SCN4A: variants seen among roughly 807,000 people sequenced by gnomAD.
SCN4A encodes the protein sodium channel protein type 4 subunit alpha.
A neutral mutation model predicts 162.0 loss-of-function variants in SCN4A; 83 were observed. The ratio of observed to expected loss-of-function variants is 0.51; its 90% CI spans 0.43 to 0.61. The LOEUF (loss-of-function observed/expected upper bound fraction) is 0.61. Among genes scored for constraint, SCN4A ranks in the 20% least tolerant of loss-of-function variants. The pLI is 0.00. For synonymous variants in SCN4A, 944 were observed against 985.1 expected, an observed-to-expected ratio of 0.96 and a Z score of 0.78; for missense variants, 2,196 against 2,462.5, an observed-to-expected ratio of 0.89 and a Z score of 2.29.
intron 12 of SCN4A, among the ~76,000 whole-genome samples, chr17:63,958,662 C>T (rs1316095734): frequency 6.6e-6 from 1 of 152,188 alleles, no homozygotes; most frequent in Admixed American, 6.5e-5. Flanking sequence ...AAGTGATTCT[C>T]CTGCCTCAGC....
chr17:63,946,305 G>A (rs1016752234), intron 18 of SCN4A, among the ~76,000 whole-genome samples: 1 of 152,162 alleles, frequency 6.6e-6, no homozygotes, highest in African/African-American at 2.4e-5. Flanking sequence ...TGGCTCTGGG[G>A]GGTCAGAGGG....
intron 16 of SCN4A, 90 bp downstream of exon 16, chr17:63,948,521 C>A: frequency 8.6e-7 from 1 of 1,158,344 alleles, no homozygotes; most frequent in South Asian, 1.4e-5. Flanking sequence ...CAGAGCATGG[C>A]CCTTCCTGTG....
At position 63,941,866 on chromosome 17, in the gene SCN4A, C is replaced by T. The variant is rs758113478; in HGVS notation, c.4416G>A (p.Leu1472=). The T allele has an allele frequency of 6.2e-6, 10 of 1,613,986 alleles. No individual in the cohort carries two copies. Among genetic ancestry groups the T allele is most frequent in the Non-Finnish European group, 8.5e-6 (10 of 1,179,822 alleles). ...IRGAKGIRTL[L]FALMMSLPAL... Reference sequence around the variant, plus strand: ...CAGGCAGCGACATCATGAGGGCGAACAGCAGCGTCCGGATGCCCTTGGCCC... The same window carrying T: ...CAGGCAGCGACATCATGAGGGCGAATAGCAGCGTCCGGATGCCCTTGGCCC... Residue 1472 remains leucine (L), a synonymous_variant, in exon 24 of 24, where the codon CTG becomes CTA. Coordinates refer to ENST00000435607, the MANE Select transcript of SCN4A (RefSeq NM_000334.4). This position sits in a 1 kb window ranked among gnomAD's most constrained non-coding sequence, Gnocchi z 6.2.
rs769365503 is a variant in SCN4A at position 63,941,196 on chromosome 17, C to T, written c.5086G>A (p.Ala1696Thr). 8.4e-5 allele frequency: 136 copies of T among 1,613,640 alleles called. 1 individual carries two copies. Among genetic ancestry groups the T allele is most frequent in the African/African-American group, 1.3e-4 (10 of 74,836 alleles). The change falls in exon 24 of 24, where the codon GCC becomes ACC. Residue 1696 changes from alanine (A) to threonine (T), a missense_variant. Transcript: ENST00000435607. This position sits in a 1 kb window ranked among gnomAD's most constrained non-coding sequence, Gnocchi z 6.2. ...EVLGDSGEMDALKQTMEEKFM... is the reference protein window; with the variant it reads ...EVLGDSGEMDTLKQTMEEKFM... ...TTCTCCTCCATGGTCTGCTTGAGGG[C>T]GTCCATTTCCCCAGAGTCACCCAGG...
intron 10 of SCN4A, among the ~76,000 whole-genome samples, chr17:63,962,771 A>C (rs916499291): frequency 6.6e-6 from 1 of 152,048 alleles, no homozygotes; most frequent in Non-Finnish European, 1.5e-5. Flanking sequence ...GTGCCCAAAC[A>C]GTGTCTGAGG....
intron 3 of SCN4A, 141 bp from the exon 4 acceptor site, chr17:63,971,991 GC>G: frequency 9.4e-7 from 1 of 1,064,390 alleles, no homozygotes; most frequent in Non-Finnish European, 1.4e-6. Context: ...TGATAGCATG[GC>G]CACCCCAGGG....
chr17:63,951,512 A>G lies in SCN4A; in HGVS notation c.2765T>C (p.Ile922Thr). Residue 922 changes from isoleucine (I) to threonine (T), a missense_variant, in exon 14 of 24, where the codon ATA becomes ACA. Ile to Thr is a moderately conservative substitution (Grantham distance 89). Coordinates refer to ENST00000435607, the MANE Select transcript of SCN4A (RefSeq NM_000334.4). This position sits in a 1 kb window ranked among gnomAD's most constrained non-coding sequence, Gnocchi z 4.5. ...CTCCTCGGAGGCGATGGGCACCTGT[A>G]TGGTCAGGTAGGGGTTGTTGATGAA... ...LNFINNPYLT[I>T]QVPIASEESD... is the part of the protein sequence containing the mutation. 6.2e-7 allele frequency: 1 copy of G among 1,613,808 alleles called. No individual in the cohort carries two copies. The highest frequency in any genetic ancestry group is 8.5e-7 in the Non-Finnish European group (1 of 1,179,820).
At chr17:63,966,856 C>T (rs1319161583) in intron 6 of SCN4A, among the ~76,000 whole-genome samples, 1 of 152,142 alleles carries the variant, frequency 6.6e-6, no homozygotes, top group African/African-American at 2.4e-5. Context: ...CTATGTAGGG[C>T]CCCTGAGTGA....
In SCN4A at chr17:63,949,396, C is replaced by T; in HGVS notation, c.2986G>A (p.Glu996Lys). Residue 996 changes from glutamate (E) to lysine (K), a missense_variant, in exon 15 of 24, where the codon GAG (glutamate) becomes AAG (lysine). Physicochemically the swap from Glu to Lys is moderately conservative, Grantham distance 56. Transcript: ENST00000435607. ...ATGAGGTGAGGGGTGCCCTCACCCTCAGTGAAGCACTCCTCAGGCTGCTCC... is the reference window on the plus strand; with the variant it reads ...ATGAGGTGAGGGGTGCCCTCACCCTTAGTGAAGCACTCCTCAGGCTGCTCC... ...EGEQPEECFTEACVQRWPCLY... is the reference protein window; with the variant it reads ...EGEQPEECFTKACVQRWPCLY... 6.3e-7 allele frequency: 1 copy of T among 1,575,756 alleles called. No individual in the cohort carries two copies. Among genetic ancestry groups the T allele is most frequent in the Non-Finnish European group, 8.6e-7 (1 of 1,159,972 alleles).
At chr17:63,964,811 C>A in intron 8 of SCN4A, 134 bp from the exon 9 acceptor site, 1 of 670,936 alleles carries the variant, frequency 1.5e-6, no homozygotes, top group Non-Finnish European at 2.5e-6. Context: ...GGACTGATGG[C>A]CGTCATTGGC....
Position 63,971,245 on chromosome 17 carries a change from G to T in SCN4A, c.620C>A (p.Thr207Lys). ...GATGTTGCCCAAGTCCACAAACTCT[G>T]TCAGGTACCTGGGTAGGGGGTGGAG... is the stretch of plus-strand genomic sequence containing the variant. The part of the protein sequence containing the change: ...DFSVIMMAYL[T>K]EFVDLGNISA... The change falls in exon 5 of 24, where the codon ACA (threonine) becomes AAA (lysine). Residue 207 changes from threonine to lysine, a missense_variant. Physicochemically the swap from Thr to Lys is moderately conservative, Grantham distance 78 (BLOSUM62 -1). Coordinates refer to ENST00000435607, the MANE Select transcript of SCN4A (RefSeq NM_000334.4). 1 of 1,549,822 alleles carries T rather than the reference G, an allele frequency of 6.5e-7. No individual in the cohort carries two copies. The highest frequency in any genetic ancestry group is 1.4e-5 in the African/African-American group (1 of 73,310).
intron 10 of SCN4A, 46 bp downstream of exon 10, chr17:63,963,626 A>G: frequency 6.7e-7 from 1 of 1,488,764 alleles, no homozygotes; most frequent in Non-Finnish European, 8.9e-7. Context: ...CAGTCCAGCC[A>G]GGCTCCACCC....
At chr17:63,965,323 C>T (rs1909404071) in intron 8 of SCN4A, among the ~76,000 whole-genome samples, 1 of 152,160 alleles carries the variant, frequency 6.6e-6, no homozygotes, top group Admixed American at 6.6e-5. Flanking sequence ...GGATTATAGG[C>T]ATGAGCCACT....
chr17:63,958,364 A>C (rs1019098272), intron 12 of SCN4A, among the ~76,000 whole-genome samples: 66 of 152,146 alleles, frequency 4.3e-4, no homozygotes, highest in African/African-American at 1.5e-3. Context: ...AAAAAAAAAA[A>C]TACAGACTAA....
Position 63,964,652 on chromosome 17 carries a change from T to C in SCN4A, c.1268A>G (p.Tyr423Cys), listed in dbSNP as rs1053377475. 1.1e-5 allele frequency: 18 copies of C among 1,610,424 alleles called. No individual in the cohort carries two copies. The highest frequency in any genetic ancestry group is 1.4e-5 in the Non-Finnish European group (16 of 1,178,692). Reference sequence around the variant, plus strand: ...GATGATGACCACGAAGAAGATCATGTAGGTCTTGCCAGCTGCTCGAAGGGT... The same window carrying C: ...GATGATGACCACGAAGAAGATCATGCAGGTCTTGCCAGCTGCTCGAAGGGT... ...QLTLRAAGKT[Y>C]MIFFVVIIFL... Residue 423 changes from tyrosine (Y) to cysteine (C), a missense_variant, in exon 9 of 24, where the codon TAC becomes TGC. Physicochemically the swap from Tyr to Cys is radical, Grantham distance 194. Coordinates refer to ENST00000435607, the MANE Select transcript of SCN4A (RefSeq NM_000334.4).
chr17:63,940,907 G>A lies in SCN4A; in HGVS notation c.5375C>T (p.Pro1792Leu), dbSNP rs750560473. ...HENGNSSSPS[P>L]EEKGEAGDAG... ...GTCCCCTGCCTCGCCCTTCTCCTCC[G>A]GGCTTGGCGAGCTGCTGTTCCCATT... The change falls in exon 24 of 24, where the codon CCG becomes CTG. Residue 1792 changes from proline (P) to leucine (L), a missense_variant. Transcript: ENST00000435607. The A allele has an allele frequency of 8.7e-6, 14 of 1,613,818 alleles. No homozygotes were observed. Among genetic ancestry groups the A allele is most frequent in the East Asian group, 2.2e-5 (1 of 44,890 alleles).
rs1441919328 is a variant in SCN4A, at chr17:63,959,537, C to T, written c.1846-99G>A. ...CACCTCCTGGCAGAGGCTGCGGGGG[C>T]GGAGGGGAAGGGGTCCAGAGCCCTG... On this transcript the variant is annotated intron_variant, in intron 11 of 23. Coordinates refer to ENST00000435607, the MANE Select transcript of SCN4A (RefSeq NM_000334.4). 103 of 1,157,882 alleles carry T rather than the reference C, an allele frequency of 8.9e-5. 1 individual carries two copies. In the East Asian group the frequency reaches 9.2e-4, roughly 10 times the overall value. The allele number at this position is 1,157,882 out of a possible 1,614,324, so 71.7% of individuals were successfully genotyped here. A position where few individuals can be genotyped will look rare whatever the true frequency, so the allele number is the denominator to read the frequency against.
Position 63,945,494 on chromosome 17 carries a change from C to A in SCN4A, c.3586G>T (p.Glu1196Ter), listed in dbSNP as rs769604063. 2 of 1,613,986 alleles carry A rather than the reference C, an allele frequency of 1.2e-6. No individual in the cohort carries two copies. Among genetic ancestry groups the A allele is most frequent in the Non-Finnish European group, 1.7e-6 (2 of 1,179,880 alleles). The change falls in exon 19 of 24, where the codon GAG becomes TAG. Residue 1196 changes from glutamate (E) to a stop codon, truncating the protein, a stop_gained. Transcript: ENST00000435607. LOFTEE classifies it high-confidence loss of function. This position sits in a 1 kb window ranked among gnomAD's most constrained non-coding sequence, Gnocchi z 4.4. Reference sequence around the variant, plus strand: ...TTGACCTCGGAGATGTCGAACCTCTCAGAGGTGGTGGTGTTGATGCAGTAG... The same window carrying A: ...TTGACCTCGGAGATGTCGAACCTCTAAGAGGTGGTGGTGTTGATGCAGTAG... Reference protein sequence around the residue: ...FYYCINTTTSERFDISEVNNK... With the variant: ...FYYCINTTTS
At position 63,957,264 on chromosome 17, in the gene SCN4A, C is replaced by G. The variant is rs368537002; in HGVS notation, c.2274G>C (p.Leu758=). 6 of 1,613,906 alleles carry G rather than the reference C, an allele frequency of 3.7e-6. No homozygotes were observed. Among genetic ancestry groups the G allele is most frequent in the African/African-American group, 1.3e-5 (1 of 74,932 alleles). The part of the protein sequence containing the change: ...FHSFLIVFRI[L]CGEWIETMWD... ...ACATGGTCTCGATCCACTCCCCGCA[C>G]AGGATGCGGAAGACGATGAGGAAGG... Residue 758 remains leucine, a synonymous_variant, in exon 13 of 24, where the codon CTG becomes CTC. Coordinates refer to ENST00000435607, the MANE Select transcript of SCN4A (RefSeq NM_000334.4).
Sources: allele counts gnomAD v4.1 joint callset (sites outside exome capture counted in the v4.1 genomes callset), GRCh38; gene constraint gnomAD v4.1.1; non-coding constraint Gnocchi (gnomAD v3.1); transcripts MANE v1.5; gene names NCBI Gene and HGNC (gene_info 2026-07-23, HGNC 2026-07-21).